The following MYO3B variants were observed in gnomAD, a reference collection of about 807,000 sequenced individuals.
The protein encoded by MYO3B is myosin-IIIb.
MYO3B carries 156 observed loss-of-function variants against 174.6 expected under a neutral mutation model. The ratio of observed to expected loss-of-function variants is 0.89; its 90% CI spans 0.78 to 1.02. The LOEUF is 1.02. Ranked by LOEUF, MYO3B falls within the 50% of genes least tolerant of loss-of-function variation. The pLI is 0.00. For missense variants in MYO3B, 1,632 were observed against 1,639.4 expected (o/e 1.00, Z 0.08); for synonymous variants, 563 against 569.1 (o/e 0.99, Z 0.15).
intron 22 of MYO3B, among the ~76,000 whole-genome samples, chr2:170,426,638 G>A (rs1373485361): frequency 6.6e-6 from 1 of 151,850 alleles, no homozygotes; most frequent in Non-Finnish European, 1.5e-5. Context: ...TTTCTTTATT[G>A]TCTATGTGAA....
intron 7 of MYO3B, among the ~76,000 whole-genome samples, chr2:170,311,310 T>G (rs1385852569): frequency 1.3e-5 from 2 of 152,148 alleles, no homozygotes. Flanking sequence ...GCCATCCTAG[T>G]GGGTGTAAAG....
chr2:170,364,458 C>T (rs2002672), intron 8 of MYO3B, among the ~76,000 whole-genome samples: 7,597 of 152,186 alleles, frequency 0.05, 590 homozygotes, highest in African/African-American at 0.17. Flanking sequence ...CCCTAATTCA[C>T]CTCATGTTGG....
At chr2:170,356,592 C>T (rs538242137) in intron 8 of MYO3B, among the ~76,000 whole-genome samples, 11 of 150,918 alleles carry the variant, frequency 7.3e-5, no homozygotes, top group African/African-American at 2.7e-4. Context: ...GAACTCCTGA[C>T]CTCAGGTGAT....
chr2:170,561,096 C>G (rs1479216494), intron 32 of MYO3B, among the ~76,000 whole-genome samples: 1 of 152,172 alleles, frequency 6.6e-6, no homozygotes, highest in Non-Finnish European at 1.5e-5. Context: ...ATTCTTTGCC[C>G]TAGACCCACA....
intron 7 of MYO3B, among the ~76,000 whole-genome samples, chr2:170,290,244 C>T (rs1482926539): frequency 2.0e-5 from 3 of 152,056 alleles, no homozygotes; most frequent in Non-Finnish European, 4.4e-5. Context: ...GATTTTCTCT[C>T]TGGGTGATCT....
chr2:170,628,022 T>A (rs1328295001), intron 32 of MYO3B, among the ~76,000 whole-genome samples: 1 of 152,230 alleles, frequency 6.6e-6, no homozygotes, highest in African/African-American at 2.4e-5. Context: ...GCAGTCTGTC[T>A]GTTCTCAGAT....
chr2:170,620,398 T>C (rs1695812609), intron 32 of MYO3B, among the ~76,000 whole-genome samples: 1 of 152,246 alleles, frequency 6.6e-6, no homozygotes, highest in Admixed American at 6.5e-5. Flanking sequence ...CTTCCATTTA[T>C]TAACTATATT....
At chr2:170,490,279 C>CG (rs1465190030) in intron 25 of MYO3B, among the ~76,000 whole-genome samples, 1 of 152,110 alleles carries the variant, frequency 6.6e-6, no homozygotes, top group Non-Finnish European at 1.5e-5. Flanking sequence ...CCGCCCTCCT[C>CG]GGCCTCCCAA....
At chr2:170,271,667 CTG>C (rs2093426031) in intron 7 of MYO3B, among the ~76,000 whole-genome samples, 1 of 152,190 alleles carries the variant, frequency 6.6e-6, no homozygotes, top group South Asian at 2.1e-4. Flanking sequence ...GCTCCTCAAA[CTG>C]TGCTATCTTG....
At chr2:170,304,248 A>G (rs1225047567) in intron 7 of MYO3B, among the ~76,000 whole-genome samples, 1 of 152,124 alleles carries the variant, frequency 6.6e-6, no homozygotes, top group Non-Finnish European at 1.5e-5. Flanking sequence ...TTTTCCTTCA[A>G]CAGTGTATGA....
At chr2:170,490,178 G>A (rs1393244108) in intron 25 of MYO3B, among the ~76,000 whole-genome samples, 3 of 151,754 alleles carry the variant, frequency 2.0e-5, no homozygotes, top group Non-Finnish European at 2.9e-5. Context: ...ACAAGCATCT[G>A]CTACCACGCC....
intron 22 of MYO3B, among the ~76,000 whole-genome samples, chr2:170,422,033 GT>G (rs2105858361): frequency 6.6e-6 from 1 of 152,316 alleles, no homozygotes; most frequent in South Asian, 2.1e-4. Context: ...ACCTGAACTG[GT>G]ACTTTGCATC....
intron 25 of MYO3B, among the ~76,000 whole-genome samples, chr2:170,494,799 A>G (rs1411624068): frequency 6.6e-6 from 1 of 152,024 alleles, no homozygotes; most frequent in Non-Finnish European, 1.5e-5. Context: ...ATTTCTTGAC[A>G]TTGTATGCAA....
rs79783076 is a variant in MYO3B, at chr2:170,561,303, C to A, written c.3733+17315C>A. Among the ~76,000 whole-genome samples, 1,270 of 152,314 alleles carry A rather than the reference C, an allele frequency of 8.3e-3. 45 individuals carry two copies. The East Asian group carries it at 0.088, about 11-fold the overall frequency. Reference sequence around the variant, plus strand: ...CCAGAAGGGACAACCTGTGAATAACCACTGAATGATTAGAGGATTGAACAT... The same window carrying A: ...CCAGAAGGGACAACCTGTGAATAACAACTGAATGATTAGAGGATTGAACAT... On this transcript the variant is annotated intron_variant, in intron 32 of 34. Coordinates refer to ENST00000408978, the MANE Select transcript of MYO3B (RefSeq NM_138995.5).
intron 8 of MYO3B, chr2:170,351,068 G>C (rs1177911113): frequency 6.6e-6 from 1 of 152,062 alleles, no homozygotes. Flanking sequence ...AGGCAGGGAG[G>C]GAGGAAGGCA....
chr2:170,180,997 T>C (rs931946340), intron 1 of MYO3B, among the ~76,000 whole-genome samples: 2 of 152,198 alleles, frequency 1.3e-5, no homozygotes, highest in Admixed American at 6.5e-5. Flanking sequence ...TTTATGTAAC[T>C]ATTATGATTT....
chr2:170,375,163 C>T (rs537648639), intron 9 of MYO3B, among the ~76,000 whole-genome samples: 15 of 152,292 alleles, frequency 9.8e-5, no homozygotes, highest in African/African-American at 3.6e-4. Flanking sequence ...AAAAAGACGA[C>T]TTCTTCCCCA....
intron 6 of MYO3B, among the ~76,000 whole-genome samples, chr2:170,221,881 A>AT (rs1264119256): frequency 7.2e-5 from 11 of 152,104 alleles, no homozygotes; most frequent in Non-Finnish European, 1.5e-4. Flanking sequence ...GATCAGAACA[A>AT]TTTTTTATAA....
intron 32 of MYO3B, among the ~76,000 whole-genome samples, chr2:170,558,219 T>G (rs1417140864): frequency 6.6e-6 from 1 of 151,548 alleles, no homozygotes; most frequent in East Asian, 1.9e-4. Context: ...GAGAATGGTG[T>G]GAACCCGGGA....
Sources: allele counts gnomAD v4.1 joint callset (sites outside exome capture counted in the v4.1 genomes callset), GRCh38; gene constraint gnomAD v4.1.1; transcripts MANE v1.5; gene names NCBI Gene and HGNC (gene_info 2026-07-23, HGNC 2026-07-21).